Variants in IL4I1 observed in about 807,000 individuals in gnomAD.
IL4I1 encodes interleukin 4 induced 1, also known as L-amino-acid oxidase.
In IL4I1, 24 loss-of-function variants were observed where a neutral mutation model predicts 29.7. The observed-to-expected ratio is 0.81, with a 90% CI of 0.59 to 1.14. The LOEUF is 1.14. IL4I1 is among the 50% of genes most tolerant of loss of function. The pLI is 0.00. For synonymous variants in IL4I1, 371 were observed against 352.5 expected, an observed-to-expected ratio of 1.05 and a Z score of -0.59; for missense variants, 686 against 785.6, an observed-to-expected ratio of 0.87 and a Z score of 1.52.
intron 1 of IL4I1, 91 bp downstream of exon 1, chr19:49,896,744 C>T: frequency 2.4e-6 from 2 of 848,128 alleles, no homozygotes; most frequent in South Asian, 1.1e-4. Flanking sequence ...TCTTTTCCCT[C>T]TTCCTCATCT....
At chr19:49,913,300 A>C (rs376425099) in intron 2 of IL4I1, 1 of 152,388 alleles carries the variant, frequency 6.6e-6, no homozygotes, top group South Asian at 2.1e-4. Flanking sequence ...CCAAAGAGAG[A>C]AAATGGCCCT....
chr19:49,908,634 CCTGGTCCAGCCTCTT>C (rs750978387), intron 2 of IL4I1: 2 of 1,613,222 alleles, frequency 1.2e-6, no homozygotes, highest in East Asian at 2.2e-5. Context: ...AAGTCGAGCT[CCTGGTCCAGCCTCTT>C]CTGGTCCAGC....
chr19:49,912,164 AC>A (rs1353184180), intron 2 of IL4I1, among the ~76,000 whole-genome samples: 4 of 117,856 alleles, frequency 3.4e-5, no homozygotes, highest in South Asian at 2.6e-4. Flanking sequence ...TTAACAGTTC[AC>A]CTTTTTTTTT....
intron 2 of IL4I1, among the ~76,000 whole-genome samples, chr19:49,926,396 G>A (rs894672766): frequency 6.6e-6 from 1 of 152,056 alleles, no homozygotes; most frequent in African/African-American, 2.4e-5. Context: ...CAGGCGTGGT[G>A]GTGGGCGCCT....
chr19:49,895,705 A>AAC, intron 3 of IL4I1, 110 bp downstream of exon 3: 2 of 464,348 alleles, frequency 4.3e-6, no homozygotes, highest in Non-Finnish European at 8.5e-6. Context: ...CTCTCCCCCC[A>AAC]CATCCCCACC....
chr19:49,925,256 C>A (rs145504521), intron 2 of IL4I1, among the ~76,000 whole-genome samples: 1 of 151,722 alleles, frequency 6.6e-6, no homozygotes, highest in Non-Finnish European at 1.5e-5. Flanking sequence ...AGTGAAACTC[C>A]GTCTCAAAAA....
At chr19:49,902,931 A>T (rs2075283698) in intron 3 of IL4I1, among the ~76,000 whole-genome samples, 1 of 151,822 alleles carries the variant, frequency 6.6e-6, no homozygotes, top group Non-Finnish European at 1.5e-5. Flanking sequence ...CCTGGCCAAC[A>T]TGGTAAAACC....
intron 7 of IL4I1, 98 bp from the exon 8 acceptor site, chr19:49,890,698 C>A: frequency 1.1e-6 from 1 of 914,776 alleles, no homozygotes; most frequent in South Asian, 1.8e-5. Context: ...CCCTTATGGG[C>A]ACCGGCCCGC....
chr19:49,920,608 C>T (rs1319187417), intron 2 of IL4I1, among the ~76,000 whole-genome samples: 2 of 152,202 alleles, frequency 1.3e-5, no homozygotes, highest in East Asian at 3.8e-4. Flanking sequence ...GGATAGGCGT[C>T]AGGCTCAGAG....
At position 49,908,267 on chromosome 19, in the gene IL4I1, T is replaced by C. The variant is rs1341884927; in HGVS notation, c.-227-3946A>G. ...GTCAAAGGTGATCCGGAAGCTGCGCTCCTGCTCCTTGCGCCGGCCCTCGCA... is the reference window on the plus strand; with the variant it reads ...GTCAAAGGTGATCCGGAAGCTGCGCCCCTGCTCCTTGCGCCGGCCCTCGCA... On this transcript the variant is annotated intron_variant, in intron 2 of 9. Coordinates refer to the IL4I1 transcript ENST00000341114. 3 of 1,613,602 alleles carry C rather than the reference T, an allele frequency of 1.9e-6. No individual in the cohort carries two copies. In the African/African-American group the frequency reaches 4.0e-5, roughly 22 times the overall value.
At position 49,921,871 on chromosome 19, in the gene IL4I1, G is replaced by A. The variant is rs144271491; in HGVS notation, c.-228+5823C>T. ...ACCACATATCCTGGGCCAGACGAAT[G>A]CAGGAGCTGCCTCCTCTGGACACAG... On this transcript the variant is annotated intron_variant, in intron 2 of 9. Transcript: ENST00000341114. The surrounding 1 kb of genome is among the most constrained non-coding windows in gnomAD (Gnocchi z 5.4). Among the ~76,000 whole-genome samples the A allele has an allele frequency of 5.3e-4, 80 of 152,298 alleles. 1 individual carries two copies. In the Middle Eastern group the frequency reaches 0.01, roughly 19 times the overall value.
intron 2 of IL4I1, among the ~76,000 whole-genome samples, chr19:49,912,601 C>T (rs750228332): frequency 1.1e-4 from 16 of 152,306 alleles, no homozygotes; most frequent in South Asian, 8.3e-4. Context: ...AGGTGGCTCA[C>T]GCCTGTAATC....
intron 2 of IL4I1, 22 bp from the exon 3 acceptor site, chr19:49,896,075 C>T (rs2075204622): frequency 4.3e-6 from 7 of 1,609,738 alleles, no homozygotes; most frequent in Non-Finnish European, 5.9e-6. Flanking sequence ...AGGACAGGGT[C>T]AACGGGGTTG....
Position 49,896,048 on chromosome 19 carries a change from G to T in IL4I1, c.19C>A (p.His7Asn). 6.2e-7 allele frequency: 1 copy of T among 1,613,792 alleles called. No individual in the cohort carries two copies. Among genetic ancestry groups the T allele is most frequent in the South Asian group, 1.1e-5 (1 of 91,066 alleles). MAPLAL[H>N]LLVLVPILLS... is the part of the protein sequence containing the mutation. The stretch of plus-strand genomic sequence containing the variant: ...AGGATGGGGACGAGGACGAGGAGGT[G>T]CAGGGCTGGGAGGAGGAGGACAGGG... Residue 7 changes from histidine (H) to asparagine (N), a missense_variant, in exon 3 of 8, where the codon CAC becomes AAC. His to Asn is a moderately conservative substitution (Grantham distance 68, BLOSUM62 1). Transcript: ENST00000391826.
intron 2 of IL4I1, among the ~76,000 whole-genome samples, chr19:49,912,557 G>T (rs1222267054): frequency 6.6e-6 from 1 of 152,110 alleles, no homozygotes; most frequent in African/African-American, 2.4e-5. Context: ...TACTGATCCA[G>T]CCCTGATCCA....
At chr19:49,897,376 A>G (rs527941662), upstream of IL4I1, among the ~76,000 whole-genome samples, 56 of 151,904 alleles carry the variant, frequency 3.7e-4, no homozygotes, top group Non-Finnish European at 6.3e-4. Context: ...CCTCCGTTAC[A>G]TGGGTGTAGC....
intron 5 of IL4I1, 63 bp from the exon 6 acceptor site, chr19:49,891,536 T>C: frequency 7.1e-7 from 1 of 1,411,808 alleles, no homozygotes; most frequent in Middle Eastern, 1.8e-4. Flanking sequence ...AGGCCGGGCC[T>C]GGAGCCCACA....
intron 1 of IL4I1, chr19:49,928,435 T>G (rs2075963524): frequency 6.6e-6 from 1 of 150,618 alleles, no homozygotes; most frequent in Admixed American, 6.7e-5. Flanking sequence ...GAGAATGGCG[T>G]GAACCTGGGA....
intron 2 of IL4I1, among the ~76,000 whole-genome samples, chr19:49,918,152 G>A (rs908741967): frequency 6.0e-5 from 9 of 151,116 alleles, no homozygotes; most frequent in African/African-American, 1.5e-4. Context: ...CTGCAGCCTC[G>A]ACTTTCTGGG....
Sources: allele counts gnomAD v4.1 joint callset (sites outside exome capture counted in the v4.1 genomes callset), GRCh38; gene constraint gnomAD v4.1.1; non-coding constraint Gnocchi (gnomAD v3.1); transcripts MANE v1.5; gene names NCBI Gene and HGNC (gene_info 2026-07-23, HGNC 2026-07-21).